SLC44A5: variants seen among roughly 807,000 people sequenced by gnomAD.
SLC44A5 encodes the protein choline transporter-like protein 5.
A neutral mutation model predicts 101.8 loss-of-function variants in SLC44A5; 57 were observed. The ratio of observed to expected loss-of-function variants is 0.56; its 90% CI spans 0.45 to 0.70. The LOEUF (loss-of-function observed/expected upper bound fraction) is 0.70, where lower values mean the gene tolerates loss of function less well. SLC44A5 is among the 30% of genes least tolerant of loss of function. SLC44A5 has a pLI of 0.00. For missense variants in SLC44A5, 737 were observed against 853.1 expected, an observed-to-expected ratio of 0.86 and a Z score of 1.70; for synonymous variants, 281 against 290.9, an observed-to-expected ratio of 0.97 and a Z score of 0.35.
intron 15 of SLC44A5, 35 bp downstream of exon 15, chr1:75,219,765 C>T (rs1202281537): frequency 7.3e-7 from 1 of 1,373,644 alleles, no homozygotes; most frequent in South Asian, 1.2e-5. Context: ...GTCATGTGAA[C>T]CTGAGGTTTA....
chr1:75,331,235 C>T (rs527786365), intron 4 of SLC44A5, among the ~76,000 whole-genome samples: 8 of 152,234 alleles, frequency 5.3e-5, no homozygotes, highest in African/African-American at 1.4e-4. Context: ...TCCAGACTCA[C>T]GCATGGCATT....
chr1:75,402,488 C>T (rs1196030209), intron 2 of SLC44A5: 4 of 372,488 alleles, frequency 1.1e-5, no homozygotes, highest in Non-Finnish European at 2.2e-5. Flanking sequence ...CTGAGGTACC[C>T]TGCTCATCTC....
In SLC44A5 at chr1:75,215,826, T is replaced by C. The variant is rs595009; in HGVS notation, c.1656A>G (p.Gln552=). The change falls in exon 19 of 24, where the codon CAA becomes CAG. Residue 552 remains glutamine (Q), a synonymous_variant. Transcript: ENST00000370859. ...RTQNTLSKFL[Q]CCLRCCFWCL... ...ACCAGAAGCAGCATCTCAGGCAGCA[T>C]TGTAGGAATTTAGACAATGTGTTCT... is the stretch of plus-strand genomic sequence containing the variant. The C allele has an allele frequency of 0.86, 1,375,859 of 1,603,984 alleles. 591,132 individuals are homozygous for C. Among genetic ancestry groups the C allele is most frequent in the East Asian group, 1 (44,476 of 44,696 alleles).
intron 4 of SLC44A5, among the ~76,000 whole-genome samples, chr1:75,306,735 T>TTTTTTTTTC (rs1553158690): frequency 2.6e-5 from 3 of 117,372 alleles, no homozygotes; most frequent in African/African-American, 9.4e-5. Context: ...TTTCCTTTCT[T>TTTTTTTTTC]TTTTTTTTTT....
intron 2 of SLC44A5, among the ~76,000 whole-genome samples, chr1:75,513,421 A>G (rs1669665225): frequency 1.3e-5 from 2 of 152,220 alleles, no homozygotes; most frequent in Admixed American, 6.5e-5. Context: ...AGCTTTGTCC[A>G]TAGCTTTACC....
At chr1:75,374,503 G>T (rs979155171) in intron 3 of SLC44A5, among the ~76,000 whole-genome samples, 1 of 152,152 alleles carries the variant, frequency 6.6e-6, no homozygotes, top group Non-Finnish European at 1.5e-5. Flanking sequence ...GCCAGTAACT[G>T]CAGGGTACTC....
At chr1:75,686,802 G>A in the SLC44A5 span, among the ~76,000 whole-genome samples, 1,370 of 152,330 alleles carry the variant, frequency 9.0e-3, 22 homozygotes, top group African/African-American at 0.031. Flanking sequence ...TAGCTACCAT[G>A]TGGACAGATT....
intron 2 of SLC44A5, among the ~76,000 whole-genome samples, chr1:75,536,297 C>T (rs1295797086): frequency 6.6e-6 from 1 of 152,024 alleles, no homozygotes; most frequent in East Asian, 1.9e-4. Context: ...GAAAAAGTGT[C>T]TTCATAAAAA....
chr1:75,264,530 A>G (rs1255723580), intron 6 of SLC44A5, among the ~76,000 whole-genome samples: 2 of 152,266 alleles, frequency 1.3e-5, no homozygotes, highest in Admixed American at 6.5e-5. Context: ...ATTAAATAAC[A>G]TGCTTCTGAA....
intron 2 of SLC44A5, among the ~76,000 whole-genome samples, chr1:75,446,224 G>A (rs956061739): frequency 6.6e-6 from 1 of 152,008 alleles, no homozygotes; most frequent in African/African-American, 2.4e-5. Context: ...ATAGCATTTT[G>A]TACAAAGTCC....
chr1:75,637,956 T>C, the SLC44A5 span, among the ~76,000 whole-genome samples: 6 of 152,038 alleles, frequency 3.9e-5, no homozygotes, highest in Non-Finnish European at 8.8e-5. Flanking sequence ...TCTTTCCCTC[T>C]ATTACCTAGT....
the SLC44A5 span, among the ~76,000 whole-genome samples, chr1:75,659,161 C>A: frequency 1.3e-5 from 2 of 151,486 alleles, no homozygotes; most frequent in Non-Finnish European, 2.9e-5. Context: ...AAGTCCAGGA[C>A]CTGATGGCTT....
chr1:75,446,518 C>T (rs1665587552), intron 2 of SLC44A5, among the ~76,000 whole-genome samples: 1 of 152,032 alleles, frequency 6.6e-6, no homozygotes, highest in African/African-American at 2.4e-5. Context: ...CTTTATTATG[C>T]TTTATTTTTC....
chr1:75,546,432 C>T lies in SLC44A5; in HGVS notation c.-69-4916G>A, dbSNP rs1469969250. Among the ~76,000 whole-genome samples the T allele has an allele frequency of 3.6e-5, 2 of 55,822 alleles. 1 individual carries two copies. Among genetic ancestry groups the T allele is most frequent in the East Asian group, 1.2e-3 (2 of 1,634 alleles). 36.6% of individuals were successfully genotyped at this position (55,822 alleles called of 152,430 possible). A position where few individuals can be genotyped will look rare whatever the true frequency, so the allele number is the denominator to read the frequency against. Reference sequence around the variant, plus strand: ...TTCACCCTGTTAGCCAGGATGGTCTCGATCTCCCGACCTCATGATCCACCC... The same window carrying T: ...TTCACCCTGTTAGCCAGGATGGTCTTGATCTCCCGACCTCATGATCCACCC... On this transcript the variant is annotated intron_variant, in intron 1 of 23. Coordinates refer to ENST00000370859, the MANE Select transcript of SLC44A5 (RefSeq NM_001130058.2).
rs564301875 is a variant in SLC44A5 at position 75,212,691 on chromosome 1, A to C, written c.1962+1014T>G. Among the ~76,000 whole-genome samples, 5 of 152,280 alleles carry C rather than the reference A, an allele frequency of 3.3e-5. No individual in the cohort carries two copies. In the East Asian group the frequency reaches 7.7e-4, roughly 24 times the overall value. ...CCAAGGCAATAAAGCGTTAGGCATT[A>C]AGAGCACATACTGCCTGGGTTTGAA... On this transcript the variant is annotated intron_variant, in intron 22 of 23. Transcript: ENST00000370859.
chr1:75,656,483 T>C, the SLC44A5 span, among the ~76,000 whole-genome samples: 2 of 152,122 alleles, frequency 1.3e-5, no homozygotes, highest in Non-Finnish European at 2.9e-5. Context: ...TAAAAAGACA[T>C]AAATTCAGAA....
At chr1:75,455,650 T>A (rs969804712) in intron 2 of SLC44A5, among the ~76,000 whole-genome samples, 1 of 151,378 alleles carries the variant, frequency 6.6e-6, no homozygotes. Flanking sequence ...AATCAATAAC[T>A]AACTTAACAA....
At chr1:75,582,416 G>C (rs1392651932) in intron 1 of SLC44A5, 1 of 710,932 alleles carries the variant, frequency 1.4e-6, no homozygotes. Context: ...TGGGAAGCAT[G>C]ATCATGCCCA....
chr1:75,692,991 A>C, the SLC44A5 span, among the ~76,000 whole-genome samples: 22 of 152,336 alleles, frequency 1.4e-4, no homozygotes, highest in Non-Finnish European at 2.4e-4. Flanking sequence ...TATGCAAAGG[A>C]ATGATTATAG....
Sources: gnomAD v4.1 joint callset for allele counts (sites outside exome capture counted in the v4.1 genomes callset) on GRCh38, gnomAD v4.1.1 for gene constraint, MANE v1.5 for transcripts, NCBI Gene and HGNC (gene_info 2026-07-23, HGNC 2026-07-21) for gene names.